Variants in VIPR2 observed in about 807,000 individuals in gnomAD.
VIPR2 encodes vasoactive intestinal polypeptide receptor 2.
A neutral mutation model predicts 58.0 loss-of-function variants in VIPR2; 48 were observed. That is an observed-to-expected ratio of 0.83 (90% CI 0.66 to 1.05). VIPR2 has a LOEUF of 1.05. Among genes scored for constraint, VIPR2 ranks in the 50% least tolerant of loss-of-function variants. The probability of loss-of-function intolerance (pLI) is 0.00; values close to 1 mark genes in which losing one functional copy is unlikely to be tolerated. For missense variants in VIPR2, 534 were observed against 558.0 expected, an observed-to-expected ratio of 0.96 and a Z score of 0.43; for synonymous variants, 243 against 235.2, an observed-to-expected ratio of 1.03 and a Z score of -0.30.
At chr7:159,054,856 C>T (rs1855214595) in intron 5 of VIPR2, among the ~76,000 whole-genome samples, 1 of 152,096 alleles carries the variant, frequency 6.6e-6, no homozygotes, top group African/African-American at 2.4e-5. Flanking sequence ...GTATGATGAT[C>T]CCATCAGGGT....
At chr7:159,065,699 A>G (rs114669662) in intron 4 of VIPR2, among the ~76,000 whole-genome samples, 1,993 of 152,324 alleles carry the variant, frequency 0.013, 33 homozygotes, top group African/African-American at 0.045. Context: ...GAGATCGCAC[A>G]GGAAACGAGA....
chr7:159,055,452 G>A (rs1418217748), intron 5 of VIPR2, among the ~76,000 whole-genome samples: 1 of 152,004 alleles, frequency 6.6e-6, no homozygotes, highest in Non-Finnish European at 1.5e-5. Flanking sequence ...CTGCCACAGA[G>A]CCTTGGTAAG....
At chr7:159,063,315 G>C (rs1388903741) in intron 4 of VIPR2, among the ~76,000 whole-genome samples, 6 of 152,092 alleles carry the variant, frequency 3.9e-5, no homozygotes, top group Admixed American at 3.9e-4. Context: ...GCGAGAATTC[G>C]AGCACACTGC....
Position 159,031,790 on chromosome 7 carries a change from A to G in VIPR2, c.1143+38T>C, listed in dbSNP as rs1254901833. 4 of 1,613,586 alleles carry G rather than the reference A, an allele frequency of 2.5e-6. No homozygotes were observed. In the African/African-American group the frequency reaches 4.0e-5, roughly 16 times the overall value. ...TGGGCAGCATCTCAGGAAGCAAGTGAGTACCTGTGCTTGGTTCCAAGGCGG... is the reference window on the plus strand; with the variant it reads ...TGGGCAGCATCTCAGGAAGCAAGTGGGTACCTGTGCTTGGTTCCAAGGCGG... On this transcript the variant is annotated intron_variant, in intron 12 of 12. Transcript: ENST00000262178. The surrounding 1 kb of genome is among the most constrained non-coding windows in gnomAD (Gnocchi z 4.0).
At chr7:159,059,184 G>A (rs375780036) in intron 4 of VIPR2, 17 of 468,070 alleles carry the variant, frequency 3.6e-5, no homozygotes, top group African/African-American at 1.6e-4. Flanking sequence ...CATGGTGGCA[G>A]AATCACAGGG....
In VIPR2 at chr7:159,031,881, A is replaced by C; in HGVS notation, c.1102-12T>G. On this transcript the variant is annotated splice_polypyrimidine_tract_variant and intron_variant, in intron 11 of 12. Transcript: ENST00000262178. This position sits in a 1 kb window ranked among gnomAD's most constrained non-coding sequence, Gnocchi z 4.0. Reference sequence around the variant, plus strand: ...GCCACCACCAGGCCCTGCAATGAGAAGAGATGGTCAGGCAGGACCCGCGCT... The same window carrying C: ...GCCACCACCAGGCCCTGCAATGAGACGAGATGGTCAGGCAGGACCCGCGCT... 1 of 1,614,090 alleles carries C rather than the reference A, an allele frequency of 6.2e-7. No individual in the cohort carries two copies. The highest frequency in any genetic ancestry group is 8.5e-7 in the Non-Finnish European group (1 of 1,180,020).
intron 4 of VIPR2, among the ~76,000 whole-genome samples, chr7:159,085,516 G>A (rs1260338919): frequency 6.6e-6 from 1 of 152,110 alleles, no homozygotes. Context: ...GGCTGGTCTC[G>A]AACTCCTGAC....
chr7:159,040,398 G>A (rs563667775), intron 6 of VIPR2, among the ~76,000 whole-genome samples: 1 of 152,360 alleles, frequency 6.6e-6, no homozygotes, highest in East Asian at 1.9e-4. Context: ...AGGCAGGCAG[G>A]ACTCAGCTTA....
At chr7:159,086,858 C>A (rs777239861) in intron 4 of VIPR2, among the ~76,000 whole-genome samples, 1 of 152,220 alleles carries the variant, frequency 6.6e-6, no homozygotes, top group Non-Finnish European at 1.5e-5. Context: ...TCTGAAGCAG[C>A]AAAAGTGCAT....
intron 3 of VIPR2, among the ~76,000 whole-genome samples, chr7:159,107,840 G>A (rs888428746): frequency 5.3e-5 from 8 of 152,212 alleles, no homozygotes; most frequent in Non-Finnish European, 8.8e-5. Flanking sequence ...GACACAGGGC[G>A]CCAGTGTGCT....
intron 2 of VIPR2, among the ~76,000 whole-genome samples, chr7:159,126,820 G>A (rs1563349746): frequency 6.6e-6 from 1 of 151,960 alleles, no homozygotes; most frequent in Non-Finnish European, 1.5e-5. Flanking sequence ...ATGAGCATTC[G>A]TTTCTCCAGC....
At position 159,031,774 on chromosome 7, in the gene VIPR2, T is replaced by A; in HGVS notation, c.1143+54A>T. On this transcript the variant is annotated intron_variant, in intron 12 of 12. Coordinates refer to ENST00000262178, the MANE Select transcript of VIPR2 (RefSeq NM_003382.5). This position sits in a 1 kb window ranked among gnomAD's most constrained non-coding sequence, Gnocchi z 4.0. Reference sequence around the variant, plus strand: ...GGCTGCGGCACCAGGCTGGGCAGCATCTCAGGAAGCAAGTGAGTACCTGTG... The same window carrying A: ...GGCTGCGGCACCAGGCTGGGCAGCAACTCAGGAAGCAAGTGAGTACCTGTG... 1 of 1,612,962 alleles carries A rather than the reference T, an allele frequency of 6.2e-7. No individual in the cohort carries two copies. The highest frequency in any genetic ancestry group is 8.5e-7 in the Non-Finnish European group (1 of 1,179,906).
chr7:159,117,456 A>G (rs746530548), intron 2 of VIPR2: 1 of 715,804 alleles, frequency 1.4e-6, no homozygotes, highest in South Asian at 1.5e-5. Flanking sequence ...GTGCCGCACC[A>G]CACAAAGGCA....
In VIPR2 at chr7:159,095,628, G is replaced by GT. The variant is rs1857781086; in HGVS notation, c.357+8128_357+8129insA. ...AAATAGAGCAAAAGGACTATTAAGAGGGAGAACAGGAGTGTCACCGGAAGC... is the reference window on the plus strand; with the variant it reads ...AAATAGAGCAAAAGGACTATTAAGAGTGGAGAACAGGAGTGTCACCGGAAGC... On this transcript the variant is annotated intron_variant, in intron 4 of 12. Coordinates refer to ENST00000262178, the MANE Select transcript of VIPR2 (RefSeq NM_003382.5). The surrounding 1 kb of genome is among the most constrained non-coding windows in gnomAD (Gnocchi z 5.2). Among the ~76,000 whole-genome samples the GT allele has an allele frequency of 2.0e-5, 3 of 152,128 alleles. No individual in the cohort carries two copies. Among genetic ancestry groups the GT allele is most frequent in the Non-Finnish European group, 4.4e-5 (3 of 68,026 alleles).
At chr7:159,070,026 C>A (rs1856297970) in intron 4 of VIPR2, among the ~76,000 whole-genome samples, 1 of 152,180 alleles carries the variant, frequency 6.6e-6, no homozygotes, top group Admixed American at 6.5e-5. Context: ...TCCCTCCAGA[C>A]AGAACCTGTT....
chr7:159,144,648 G>A, intron 1 of VIPR2, 73 bp downstream of exon 1: 2 of 1,375,200 alleles, frequency 1.5e-6, no homozygotes, highest in Non-Finnish European at 9.5e-7. Flanking sequence ...AAGACCGGCG[G>A]GAGGAGCGCT....
At chr7:159,036,372 A>C (rs763896239) in intron 7 of VIPR2, among the ~76,000 whole-genome samples, 1 of 151,984 alleles carries the variant, frequency 6.6e-6, no homozygotes, top group African/African-American at 2.4e-5. Flanking sequence ...GGATGTCCCA[A>C]ATTTGCACCC....
chr7:159,040,907 T>C (rs1171822736), intron 6 of VIPR2, among the ~76,000 whole-genome samples: 1 of 152,214 alleles, frequency 6.6e-6, no homozygotes, highest in East Asian at 1.9e-4. Flanking sequence ...GTCTGTCACA[T>C]GCTTTTCCCT....
At chr7:159,144,533 C>T in intron 1 of VIPR2, 188 bp downstream of exon 1, 2 of 1,516,642 alleles carry the variant, frequency 1.3e-6, no homozygotes, top group Non-Finnish European at 1.8e-6. Context: ...CCCGGCGGGA[C>T]CGGAGCTCAG....
Sources: gnomAD v4.1 joint callset for allele counts (sites outside exome capture counted in the v4.1 genomes callset) on GRCh38, gnomAD v4.1.1 for gene constraint, Gnocchi (gnomAD v3.1) non-coding constraint, MANE v1.5 for transcripts, NCBI Gene and HGNC (gene_info 2026-07-23, HGNC 2026-07-21) for gene names.